WDR38: variants seen among roughly 807,000 people sequenced by gnomAD.
WDR38 encodes the protein WD repeat-containing protein 38.
In WDR38, 37 loss-of-function variants were observed where a neutral mutation model predicts 36.6. That is an observed-to-expected ratio of 1.01 (90% CI 0.78 to 1.33). The LOEUF is 1.33. Ranked by LOEUF, WDR38 falls within the 40% of genes most tolerant of loss-of-function variation. The pLI is 0.00. For synonymous variants in WDR38, 164 were observed against 168.1 expected (o/e 0.98, Z 0.19); for missense variants, 411 against 414.6 (o/e 0.99, Z 0.07).
chr9:124,856,645 C>A (rs757815826), intron 6 of WDR38, 45 bp downstream of exon 6: 1 of 1,612,312 alleles, frequency 6.2e-7, no homozygotes, highest in East Asian at 2.2e-5. Flanking sequence ...TTGCTGGCAG[C>A]CAGGCCCTTA....
intron 7 of WDR38, 36 bp downstream of exon 7, chr9:124,856,917 C>T (rs1829090502): frequency 1.4e-5 from 22 of 1,611,058 alleles, no homozygotes; most frequent in Non-Finnish European, 1.8e-5. Flanking sequence ...CCTACCTACC[C>T]ATCCTCACCC....
rs753949205 is a variant in WDR38 at position 124,857,396 on chromosome 9, C to T, written c.801C>T (p.Cys267=). The change falls in exon 8 of 9, where the codon TGC becomes TGT. Residue 267 remains cysteine (C), a synonymous_variant. Coordinates refer to ENST00000373574, the MANE Select transcript of WDR38 (RefSeq NM_001045476.3). ...TCTGGGACTGCAACACAGGAAAGTG[C>T]CTTGAGACCCTGAAGGTAAGGCACG... ...VKVWDCNTGK[C]LETLKGVLDV... 16 of 1,614,160 alleles carry T rather than the reference C, an allele frequency of 9.9e-6. 1 individual carries two copies. The South Asian group carries it at 1.5e-4, about 16-fold the overall frequency.
chr9:124,853,601 G>A lies in WDR38; in HGVS notation c.69+1G>A. Reference sequence around the variant, plus strand: ...ATTCTTCGGCCAGCACGGCGGGGAGGTGAGGTCCAGCGGGCTCTGCCCAGA... The same window carrying A: ...ATTCTTCGGCCAGCACGGCGGGGAGATGAGGTCCAGCGGGCTCTGCCCAGA... On this transcript the variant is annotated splice_donor_variant, in intron 1 of 8. Coordinates refer to ENST00000373574, the MANE Select transcript of WDR38 (RefSeq NM_001045476.3). LOFTEE classifies it high-confidence loss of function. 2 of 1,271,520 alleles carry A rather than the reference G, an allele frequency of 1.6e-6. No individual in the cohort carries two copies. Among genetic ancestry groups the A allele is most frequent in the Non-Finnish European group, 2.0e-6 (2 of 1,001,236 alleles). 78.8% of individuals were successfully genotyped at this position (1,271,520 alleles called of 1,614,324 possible).
rs899921557 is a variant in WDR38 at position 124,857,718 on chromosome 9, T to C, written c.*88T>C. On this transcript the variant is annotated 3_prime_UTR_variant, in exon 9 of 9. Coordinates refer to ENST00000373574, the MANE Select transcript of WDR38 (RefSeq NM_001045476.3). ...CTTCTCCCCACAGACGCAAAGTGAC[T>C]GTGCTGGCATCCAGCAGATCCCCAT... 22 of 1,581,810 alleles carry C rather than the reference T, an allele frequency of 1.4e-5. No homozygotes were observed. The Admixed American group carries it at 3.8e-4, about 27-fold the overall frequency.
chr9:124,857,267 GA>G, intron 7 of WDR38, 96 bp from the exon 8 acceptor site: 2 of 1,503,974 alleles, frequency 1.3e-6, no homozygotes, highest in Non-Finnish European at 1.8e-6. Flanking sequence ...TTCAGGCGAA[GA>G]CTCATCTCAT....
chr9:124,854,126 G>A, intron 1 of WDR38, 79 bp from the exon 2 acceptor site: 1 of 1,589,830 alleles, frequency 6.3e-7, no homozygotes, highest in South Asian at 1.1e-5. Context: ...CAGGCTCTTG[G>A]GGGGCAGTGT....
intron 4 of WDR38, 110 bp from the exon 5 acceptor site, chr9:124,856,130 T>G: frequency 6.4e-7 from 1 of 1,557,098 alleles, no homozygotes; most frequent in Non-Finnish European, 8.8e-7. Context: ...CAGGCTTCCT[T>G]GCACACAGCA....
In WDR38 at chr9:124,857,838, C is replaced by A; in HGVS notation, c.*208C>A. On this transcript the variant is annotated 3_prime_UTR_variant, in exon 9 of 9. Transcript: ENST00000373574. ...GACACCTGGTCCCCAAAACCAGACC[C>A]ACCCACCTCCACCCAATCAGTGGAA... 2 of 1,574,998 alleles carry A rather than the reference C, an allele frequency of 1.3e-6. No individual in the cohort carries two copies. Among genetic ancestry groups the A allele is most frequent in the Non-Finnish European group, 1.7e-6 (2 of 1,157,410 alleles).
rs774808180 is a variant in WDR38 at position 124,854,190 on chromosome 9, T to C, written c.70-15T>C. On this transcript the variant is annotated splice_polypyrimidine_tract_variant and intron_variant, in intron 1 of 8. Transcript: ENST00000373574. The stretch of plus-strand genomic sequence containing the variant: ...TTTCTTCCCCAGAATGGGACCGCTT[T>C]TGTGCTGTTTCTAGGTCAACTCTTC... The C allele has an allele frequency of 3.1e-6, 5 of 1,613,834 alleles. No individual in the cohort carries two copies. In the Admixed American group the frequency reaches 8.3e-5, roughly 27 times the overall value.
chr9:124,855,935 C>T lies in WDR38; in HGVS notation c.382C>T (p.Arg128Trp), dbSNP rs535599560. 2.2e-5 allele frequency: 36 copies of T among 1,614,046 alleles called. No homozygotes were observed. The highest frequency in any genetic ancestry group is 6.6e-5 in the South Asian group (6 of 91,086). The change falls in exon 4 of 9, where the codon CGG becomes TGG. Residue 128 changes from arginine to tryptophan, a missense_variant. Physicochemically the swap from Arg to Trp is moderately radical, Grantham distance 101. Transcript: ENST00000373574. ...GCTGGCATCAGGTGGCTGGGACAAG[C>T]GGGTGATGCTCTGGGATGTGCAGGT... ...RQLASGGWDK[R>W]VMLWDVQSGQ...
chr9:124,854,955 C>T (rs1405671119), intron 2 of WDR38, among the ~76,000 whole-genome samples: 1 of 152,196 alleles, frequency 6.6e-6, no homozygotes, highest in East Asian at 1.9e-4. Context: ...TCTTGCAGAA[C>T]TGAACCTCTG....
chr9:124,857,783 G>T lies in WDR38; in HGVS notation c.*153G>T. ...AGGCCCCACCAGAGCAGACAACTGTGGTGGGCAGGACGCTTGCTGGAACCC... is the reference window on the plus strand; with the variant it reads ...AGGCCCCACCAGAGCAGACAACTGTTGTGGGCAGGACGCTTGCTGGAACCC... On this transcript the variant is annotated 3_prime_UTR_variant, in exon 9 of 9. Transcript: ENST00000373574. The T allele has an allele frequency of 6.6e-7, 1 of 1,506,318 alleles. No individual in the cohort carries two copies. Among genetic ancestry groups the T allele is most frequent in the East Asian group, 2.3e-5 (1 of 42,954 alleles). 93.3% of individuals were successfully genotyped at this position (1,506,318 alleles called of 1,614,324 possible).
rs1157055932 is a variant in WDR38 at position 124,854,328 on chromosome 9, G to A, written c.190+3G>A. 1.2e-6 allele frequency: 2 copies of A among 1,613,536 alleles called. No individual in the cohort carries two copies. The highest frequency in any genetic ancestry group is 4.5e-5 in the East Asian group (2 of 44,862). ...GTGGAGGCTGGGTGGCCACACAGGT[G>A]GGGCTCCCACACCTGGCCGGGAAGA... is the stretch of plus-strand genomic sequence containing the variant. On this transcript the variant is annotated splice_donor_region_variant and intron_variant, in intron 2 of 8. Coordinates refer to ENST00000373574, the MANE Select transcript of WDR38 (RefSeq NM_001045476.3).
chr9:124,854,150 A>G (rs1588029208), intron 1 of WDR38, 55 bp from the exon 2 acceptor site: 3 of 1,609,790 alleles, frequency 1.9e-6, no homozygotes, highest in Non-Finnish European at 2.5e-6. Flanking sequence ...GGGGTCAGAG[A>G]TGAGCGGACA....
At chr9:124,854,107 C>G (rs1828980936) in intron 1 of WDR38, 98 bp from the exon 2 acceptor site, 5 of 1,561,956 alleles carry the variant, frequency 3.2e-6, no homozygotes, top group Non-Finnish European at 4.3e-6. Context: ...TGAAGTCAAG[C>G]TCCAACCCCA....
rs1334064112 is a variant in WDR38 at position 124,854,333 on chromosome 9, T to C, written c.190+8T>C. 6.2e-7 allele frequency: 1 copy of C among 1,613,262 alleles called. No individual in the cohort carries two copies. The highest frequency in any genetic ancestry group is 1.7e-5 in the Admixed American group (1 of 60,006). On this transcript the variant is annotated splice_region_variant and intron_variant, in intron 2 of 8. Transcript: ENST00000373574. ...GGCTGGGTGGCCACACAGGTGGGGCTCCCACACCTGGCCGGGAAGACCGAG... is the reference window on the plus strand; with the variant it reads ...GGCTGGGTGGCCACACAGGTGGGGCCCCCACACCTGGCCGGGAAGACCGAG...
intron 6 of WDR38, 33 bp from the exon 7 acceptor site, chr9:124,856,699 A>G: frequency 6.2e-7 from 1 of 1,613,828 alleles, no homozygotes; most frequent in Non-Finnish European, 8.5e-7. Context: ...CACAGGCCCC[A>G]AACCCTGGGG....
intron 4 of WDR38, 97 bp from the exon 5 acceptor site, chr9:124,856,143 C>T (rs1274932867): frequency 6.3e-7 from 1 of 1,575,532 alleles, no homozygotes; most frequent in Admixed American, 1.7e-5. Context: ...ACACAGCAGC[C>T]CTCAGGCTTT....
intron 1 of WDR38, among the ~76,000 whole-genome samples, chr9:124,853,872 C>T (rs1828974093): frequency 6.6e-6 from 1 of 152,270 alleles, no homozygotes; most frequent in South Asian, 2.1e-4. Flanking sequence ...TCCCTGCTGA[C>T]TCTGGTGTTT....
Sources: gnomAD v4.1 joint callset for allele counts (sites outside exome capture counted in the v4.1 genomes callset) on GRCh38, gnomAD v4.1.1 for gene constraint, MANE v1.5 for transcripts, NCBI Gene and HGNC (gene_info 2026-07-23, HGNC 2026-07-21) for gene names.